KIF5B: variants seen among roughly 807,000 people sequenced by gnomAD.
KIF5B encodes the protein kinesin family member 5B.
Under a neutral mutation model 132.8 loss-of-function variants are expected in KIF5B, and 49 were observed. That is an observed-to-expected ratio of 0.37 (90% CI 0.29 to 0.47). The LOEUF is 0.47. Among genes scored for constraint, KIF5B ranks in the 20% least tolerant of loss-of-function variants. The pLI is 1.00. For missense variants in KIF5B, 780 were observed against 1,144.0 expected (o/e 0.68, Z 4.59); for synonymous variants, 355 against 369.4 (o/e 0.96, Z 0.45).
intron 2 of KIF5B, among the ~76,000 whole-genome samples, chr10:32,045,314 A>G (rs1841595296): frequency 6.6e-6 from 1 of 152,234 alleles, no homozygotes; most frequent in Non-Finnish European, 1.5e-5. Flanking sequence ...TCAGAAAAAA[A>G]ATAATGAATG....
rs557112373 is a variant in KIF5B at position 32,045,457 on chromosome 10, G to C, written c.214+3007C>G. Among the ~76,000 whole-genome samples the C allele has an allele frequency of 2.0e-5, 3 of 152,266 alleles. No homozygotes were observed. In the South Asian group the frequency reaches 6.2e-4, roughly 32 times the overall value. ...AACAACAGAATAAACATTGTTGAAA[G>C]GGACTTTAAGGTTTATGTGGATAGT... On this transcript the variant is annotated intron_variant, in intron 2 of 25. Transcript: ENST00000302418.
intron 25 of KIF5B, among the ~76,000 whole-genome samples, chr10:32,013,370 T>C (rs770697379): frequency 6.6e-6 from 1 of 152,222 alleles, no homozygotes; most frequent in Non-Finnish European, 1.5e-5. Context: ...ATGTTTATGC[T>C]GAGTCTAATC....
At position 32,010,854 on chromosome 10, in the gene KIF5B, G is replaced by C. The variant is rs1841068110; in HGVS notation, c.*683C>G. On this transcript the variant is annotated 3_prime_UTR_variant, in exon 26 of 26. Coordinates refer to ENST00000302418, the MANE Select transcript of KIF5B (RefSeq NM_004521.3). Reference sequence around the variant, plus strand: ...TAACTCGGCAACAGGCATTTCATGAGATAACAAGTAGCCTTGCTCAGTCTC... The same window carrying C: ...TAACTCGGCAACAGGCATTTCATGACATAACAAGTAGCCTTGCTCAGTCTC... The C allele has an allele frequency of 6.6e-6, 1 of 152,136 alleles. No homozygotes were observed. The highest frequency in any genetic ancestry group is 2.1e-4 in the South Asian group (1 of 4,832). 9.4% of individuals were successfully genotyped at this position (152,136 alleles called of 1,614,324 possible). A position where few individuals can be genotyped will look rare whatever the true frequency, so the allele number is the denominator to read the frequency against.
intron 23 of KIF5B, 83 bp downstream of exon 23, chr10:32,017,969 G>C: frequency 1.5e-6 from 1 of 652,344 alleles, no homozygotes; most frequent in South Asian, 3.3e-5. Flanking sequence ...TGAGGACTCT[G>C]AAAGATTGAA....
At chr10:32,049,030 T>C (rs967004998) in intron 1 of KIF5B, among the ~76,000 whole-genome samples, 3 of 152,134 alleles carry the variant, frequency 2.0e-5, no homozygotes, top group East Asian at 1.9e-4. Flanking sequence ...CACCATGCTA[T>C]GTTGCCCAGG....
intron 15 of KIF5B, among the ~76,000 whole-genome samples, chr10:32,026,956 T>C (rs1438581508): frequency 6.6e-6 from 1 of 152,200 alleles, no homozygotes; most frequent in Non-Finnish European, 1.5e-5. Flanking sequence ...AGAAGAGTCA[T>C]GAGAATCCTT....
At chr10:32,037,174 A>G in intron 8 of KIF5B, 80 bp downstream of exon 8, 2 of 1,371,234 alleles carry the variant, frequency 1.5e-6, no homozygotes, top group African/African-American at 1.4e-5. Flanking sequence ...AGATGCAACA[A>G]TGAACCCTGC....
At position 32,035,656 on chromosome 10, in the gene KIF5B, T is replaced by C. The variant is rs757020429; in HGVS notation, c.828A>G (p.Pro276=). The C allele has an allele frequency of 9.3e-6, 15 of 1,607,822 alleles. No individual in the cohort carries two copies. The highest frequency in any genetic ancestry group is 1.3e-5 in the African/African-American group (1 of 74,548). The change falls in exon 10 of 26, where the codon CCA becomes CCG. Residue 276 remains proline (P), a synonymous_variant. Transcript: ENST00000302418. ...SALAEGSTYV[P]YRDSKMTRIL... The stretch of plus-strand genomic sequence containing the variant: ...TTCTTGTCATTTTACTATCTCGATA[T>C]GGAACATATGTCTGCATACAAAAAC...
chr10:32,039,414 T>C lies in KIF5B; in HGVS notation c.306A>G (p.Pro102=), dbSNP rs755313367. ...TTCTTGGAATAATTCCCATGCCTTCTGGATCATGAAGTTTACCCTAAACAA... is the reference window on the plus strand; with the variant it reads ...TTCTTGGAATAATTCCCATGCCTTCCGGATCATGAAGTTTACCCTAAACAA... ...THTMEGKLHD[P]EGMGIIPRIV... Residue 102 remains proline, a synonymous_variant, in exon 4 of 26, where the codon CCA becomes CCG. Transcript: ENST00000302418. 6.0e-6 allele frequency: 9 copies of C among 1,502,446 alleles called. No individual in the cohort carries two copies. The highest frequency in any genetic ancestry group is 4.7e-5 in the East Asian group (2 of 42,762). 93.1% of individuals were successfully genotyped at this position (1,502,446 alleles called of 1,614,324 possible). A position where few individuals can be genotyped will look rare whatever the true frequency, so the allele number is the denominator to read the frequency against.
At position 32,056,259 on chromosome 10, in the gene KIF5B, T is replaced by A; in HGVS notation, c.-286A>T. 1 of 396,758 alleles carries A rather than the reference T, an allele frequency of 2.5e-6. No individual in the cohort carries two copies. The highest frequency in any genetic ancestry group is 4.5e-6 in the Non-Finnish European group (1 of 221,676). 24.6% of individuals were successfully genotyped at this position (396,758 alleles called of 1,614,324 possible). On this transcript the variant is annotated 5_prime_UTR_variant, in exon 1 of 26. Transcript: ENST00000302418. ...GTCCGCGGCTCCTCAGCGTCCCCCT[T>A]TACGGTCTGGGCGGACTGCGGGGGC...
intron 7 of KIF5B, 34 bp downstream of exon 7, chr10:32,037,486 T>C: frequency 1.3e-6 from 2 of 1,594,166 alleles, no homozygotes; most frequent in Non-Finnish European, 1.7e-6. Context: ...TTTAAGCTGG[T>C]TTTAAATCCT....
Position 32,035,650 on chromosome 10 carries a change from T to C in KIF5B, c.834A>G (p.Arg278=). 1 of 1,612,084 alleles carries C rather than the reference T, an allele frequency of 6.2e-7. No individual in the cohort carries two copies. ...LAEGSTYVPY[R]DSKMTRILQD... Reference sequence around the variant, plus strand: ...GAAGGATTCTTGTCATTTTACTATCTCGATATGGAACATATGTCTGCATAC... The same window carrying C: ...GAAGGATTCTTGTCATTTTACTATCCCGATATGGAACATATGTCTGCATAC... Residue 278 remains arginine, a synonymous_variant, in exon 10 of 26, where the codon CGA becomes CGG. Transcript: ENST00000302418.
intron 1 of KIF5B, among the ~76,000 whole-genome samples, chr10:32,051,337 G>T (rs568061366): frequency 1.3e-5 from 2 of 152,256 alleles, no homozygotes; most frequent in East Asian, 3.9e-4. Context: ...GGGATTACAG[G>T]CGTGATCCAC....
chr10:32,047,638 T>C (rs1317710984), intron 2 of KIF5B, among the ~76,000 whole-genome samples: 1 of 152,192 alleles, frequency 6.6e-6, no homozygotes, highest in Non-Finnish European at 1.5e-5. Flanking sequence ...CCTCACCTCA[T>C]CTATAAACCT....
intron 15 of KIF5B, among the ~76,000 whole-genome samples, chr10:32,026,437 CAAAAAA>C (rs71027049): frequency 4.9e-4 from 24 of 48,926 alleles, no homozygotes; most frequent in East Asian, 2.5e-3. Flanking sequence ...GATTCCGTCT[CAAAAAA>C]AAAAAAAAAA....
At position 32,034,550 on chromosome 10, in the gene KIF5B, T is replaced by C; in HGVS notation, c.1111+140A>G. On this transcript the variant is annotated intron_variant, in intron 11 of 25. Transcript: ENST00000302418. ...TTATTTTTCAGCTCCAGGATTTCTA[T>C]TAATTTTTTTAAAAATTATTTCGAT... 5 of 552,228 alleles carry C rather than the reference T, an allele frequency of 9.1e-6. No individual in the cohort carries two copies. In the South Asian group the frequency reaches 2.7e-4, roughly 30 times the overall value. The allele number at this position is 552,228 out of a possible 1,614,324, so 34.2% of individuals were successfully genotyped here. A position where few individuals can be genotyped will look rare whatever the true frequency, so the allele number is the denominator to read the frequency against.
intron 15 of KIF5B, among the ~76,000 whole-genome samples, chr10:32,028,015 C>T (rs1192382614): frequency 6.6e-6 from 1 of 151,826 alleles, no homozygotes; most frequent in Non-Finnish European, 1.5e-5. Flanking sequence ...ATCTGTTGTG[C>T]AGGCTGGAGT....
intron 4 of KIF5B, among the ~76,000 whole-genome samples, chr10:32,039,090 A>C (rs1841499381): frequency 6.6e-6 from 1 of 152,208 alleles, no homozygotes; most frequent in Non-Finnish European, 1.5e-5. Context: ...GTTCTGCAGT[A>C]AAGCAACCTC....
At chr10:32,045,965 T>C (rs1265935870) in intron 2 of KIF5B, among the ~76,000 whole-genome samples, 1 of 152,090 alleles carries the variant, frequency 6.6e-6, no homozygotes, top group African/African-American at 2.4e-5. Context: ...CATTAAGCAC[T>C]TTATAAATGG....
Sources: allele counts gnomAD v4.1 joint callset (sites outside exome capture counted in the v4.1 genomes callset), GRCh38; gene constraint gnomAD v4.1.1; transcripts MANE v1.5; gene names NCBI Gene and HGNC (gene_info 2026-07-23, HGNC 2026-07-21).